Variants in MAD1L1 observed in about 807,000 individuals in gnomAD.
The protein encoded by MAD1L1 is mitotic arrest deficient 1 like 1, also known as mitotic spindle assembly checkpoint protein MAD1.
Under a neutral mutation model 96.9 loss-of-function variants are expected in MAD1L1, and 95 were observed. The observed-to-expected ratio is 0.98, with a 90% CI of 0.83 to 1.16. The LOEUF is 1.16. Among genes scored for constraint, MAD1L1 ranks in the 50% most tolerant of loss-of-function variants. MAD1L1 has a pLI of 0.00. For synonymous variants in MAD1L1, 473 were observed against 396.6 expected, an observed-to-expected ratio of 1.19 and a Z score of -2.29; for missense variants, 1,007 against 954.4, an observed-to-expected ratio of 1.06 and a Z score of -0.73.
chr7:2,081,276 C>G (rs559017466), intron 11 of MAD1L1, among the ~76,000 whole-genome samples: 1 of 152,232 alleles, frequency 6.6e-6, no homozygotes, highest in African/African-American at 2.4e-5. Flanking sequence ...GCCAGGGTTG[C>G]CACACTGGGC....
chr7:1,843,564 T>G (rs1218441577), intron 18 of MAD1L1, among the ~76,000 whole-genome samples: 1 of 152,208 alleles, frequency 6.6e-6, no homozygotes, highest in South Asian at 2.1e-4. Flanking sequence ...TTAGTGTTCT[T>G]TACTGCAATG....
At chr7:1,953,395 C>T (rs561318869) in intron 16 of MAD1L1, among the ~76,000 whole-genome samples, 12 of 152,332 alleles carry the variant, frequency 7.9e-5, no homozygotes, top group East Asian at 3.9e-4. Context: ...CCCAGGCCCC[C>T]GCCAGGGAGG....
rs570241007 is a variant in MAD1L1, at chr7:1,850,984, G to A, written c.1999-34756C>T. On this transcript the variant is annotated intron_variant, in intron 18 of 18. Transcript: ENST00000265854. ...GGGCCTGGCGTCGCGTCCGTGGGTC[G>A]AGGACCACAAATGTGTTGCCCTAAG... 3.9e-5 allele frequency among the ~76,000 whole-genome samples: 6 copies of A among 152,330 alleles called. No homozygotes were observed. The East Asian group carries it at 1.2e-3, about 29-fold the overall frequency.
chr7:2,220,896 G>C, intron 5 of MAD1L1: 1 of 1,611,294 alleles, frequency 6.2e-7, no homozygotes, highest in Non-Finnish European at 8.5e-7. Flanking sequence ...TGTGCCAGGG[G>C]CAAGGCCAGA....
At chr7:1,983,142 GCGCGCGCGCGCGCACACACACACACA>G (rs1467058134) in intron 14 of MAD1L1, among the ~76,000 whole-genome samples, 16 of 96,772 alleles carry the variant, frequency 1.7e-4, no homozygotes, top group African/African-American at 7.0e-4. Context: ...ACGCGCGCGC[GCGCGCGCGCGCGCACACACACACACA>G]CACACACACA....
At chr7:1,967,846 C>T (rs749407253) in intron 15 of MAD1L1, among the ~76,000 whole-genome samples, 10 of 148,438 alleles carry the variant, frequency 6.7e-5, no homozygotes, top group Non-Finnish European at 1.0e-4. Context: ...CCCTCCAGTC[C>T]ACACTGCTGG....
chr7:2,059,669 A>G (rs998828136), intron 12 of MAD1L1, among the ~76,000 whole-genome samples: 3 of 151,448 alleles, frequency 2.0e-5, no homozygotes, highest in Non-Finnish European at 2.9e-5. Flanking sequence ...AGGGGACAGG[A>G]GAGGTGTGGG....
chr7:1,999,026 AC>A (rs1244713740), intron 14 of MAD1L1, among the ~76,000 whole-genome samples: 3 of 151,148 alleles, frequency 2.0e-5, no homozygotes, highest in African/African-American at 7.3e-5. Context: ...AACCCCACAC[AC>A]TGCTGGACAC....
At chr7:2,049,222 G>A (rs1356807432) in intron 12 of MAD1L1, among the ~76,000 whole-genome samples, 1 of 152,212 alleles carries the variant, frequency 6.6e-6, no homozygotes, top group East Asian at 1.9e-4. Context: ...GCACAAGTGA[G>A]AGAGTGACAG....
At chr7:1,852,745 C>T (rs993698369) in intron 18 of MAD1L1, among the ~76,000 whole-genome samples, 1 of 152,174 alleles carries the variant, frequency 6.6e-6, no homozygotes, top group Non-Finnish European at 1.5e-5. Flanking sequence ...CTTGTAATGA[C>T]TCCGGACTTG....
At chr7:1,943,745 G>A (rs1030469426) in intron 16 of MAD1L1, among the ~76,000 whole-genome samples, 4 of 152,112 alleles carry the variant, frequency 2.6e-5, no homozygotes, top group African/African-American at 9.7e-5. Flanking sequence ...ACCCCCGAGA[G>A]AACTGCACAC....
chr7:1,822,059 C>T (rs11764159), intron 18 of MAD1L1, among the ~76,000 whole-genome samples: 22,000 of 151,998 alleles, frequency 0.14, 2,015 homozygotes, highest in South Asian at 0.26. Flanking sequence ...ACGTGACGGC[C>T]CACGTGGAAA....
chr7:2,114,211 G>A lies in MAD1L1; in HGVS notation c.1073+34941C>T, dbSNP rs757400466. Among the ~76,000 whole-genome samples the A allele has an allele frequency of 6.6e-6, 1 of 152,234 alleles. No homozygotes were observed. Among genetic ancestry groups the A allele is most frequent in the South Asian group, 2.1e-4 (1 of 4,832 alleles). ...ATGTCAAAATGAAAAGTTCCCAGAA[G>A]AACATGCCAGACACATGAGAAAGAC... is the stretch of plus-strand genomic sequence containing the variant. On this transcript the variant is annotated intron_variant, in intron 11 of 18. Coordinates refer to ENST00000265854, the MANE Select transcript of MAD1L1 (RefSeq NM_001013836.2). This position sits in a 1 kb window ranked among gnomAD's most constrained non-coding sequence, Gnocchi z 4.2.
intron 18 of MAD1L1, among the ~76,000 whole-genome samples, chr7:1,881,143 T>C (rs1422617230): frequency 1.3e-5 from 2 of 152,190 alleles, no homozygotes; most frequent in South Asian, 2.1e-4. Flanking sequence ...AGCTCTGCAG[T>C]CTCAGAATTA....
Position 1,959,594 on chromosome 7 carries a change from C to G in MAD1L1, c.1506-1875G>C, listed in dbSNP as rs182386131. On this transcript the variant is annotated intron_variant, in intron 15 of 18. Coordinates refer to ENST00000265854, the MANE Select transcript of MAD1L1 (RefSeq NM_001013836.2). ...AAGGCAGAGGTGGTACCTACAGAGG[C>G]ACAAGGCGGGGTTCTCATGAGAAAC... Among the ~76,000 whole-genome samples the G allele has an allele frequency of 2.6e-5, 4 of 152,272 alleles. No individual in the cohort carries two copies. In the East Asian group the frequency reaches 5.8e-4, roughly 22 times the overall value.
At chr7:1,934,342 G>T (rs549547036) in intron 17 of MAD1L1, among the ~76,000 whole-genome samples, 1 of 152,198 alleles carries the variant, frequency 6.6e-6, no homozygotes, top group African/African-American at 2.4e-5. Context: ...TGCCTGAGAC[G>T]CGCAGAGACC....
chr7:1,921,501 T>C (rs979379741), intron 17 of MAD1L1, among the ~76,000 whole-genome samples: 24 of 152,078 alleles, frequency 1.6e-4, no homozygotes, highest in Admixed American at 1.1e-3. Flanking sequence ...TTTTGTGTTT[T>C]TAGTAGAGAC....
chr7:1,816,884 GC>G (rs1212002511), intron 18 of MAD1L1: 2 of 151,852 alleles, frequency 1.3e-5, no homozygotes, highest in African/African-American at 2.4e-5. Context: ...CCGAGAGCCA[GC>G]CCCACCCCGG....
intron 10 of MAD1L1, among the ~76,000 whole-genome samples, chr7:2,161,205 T>C (rs1011045653): frequency 8.9e-6 from 1 of 112,746 alleles, no homozygotes; most frequent in Non-Finnish European, 1.8e-5. Context: ...GCAACCTCCC[T>C]GCCTGATTCT....
Sources: gnomAD v4.1 joint callset for allele counts (sites outside exome capture counted in the v4.1 genomes callset) on GRCh38, gnomAD v4.1.1 for gene constraint, Gnocchi (gnomAD v3.1) non-coding constraint, MANE v1.5 for transcripts, NCBI Gene and HGNC (gene_info 2026-07-23, HGNC 2026-07-21) for gene names.